The following SLC46A3 variants were observed in gnomAD, a reference collection of about 807,000 sequenced individuals.
SLC46A3 encodes the protein solute carrier family 46 member 3.
SLC46A3 carries 26 observed loss-of-function variants against 38.5 expected under a neutral mutation model. That is an observed-to-expected ratio of 0.68 (90% CI 0.49 to 0.94). The LOEUF (loss-of-function observed/expected upper bound fraction) is 0.94, where lower values mean the gene tolerates loss of function less well. Ranked by LOEUF, SLC46A3 falls within the 40% of genes least tolerant of loss-of-function variation. The pLI is 0.00. For synonymous variants in SLC46A3, 185 were observed against 192.5 expected (o/e 0.96, Z 0.32); for missense variants, 510 against 544.3 (o/e 0.94, Z 0.63).
intron 3 of SLC46A3, among the ~76,000 whole-genome samples, chr13:28,711,837 G>A (rs547951643): frequency 1.2e-4 from 19 of 152,340 alleles, no homozygotes; most frequent in African/African-American, 4.6e-4. Context: ...GAATAGTAGG[G>A]ATTGTGCCAA....
Position 28,712,716 on chromosome 13 carries a change from T to G in SLC46A3, c.1024A>C (p.Thr342Pro). Reference protein sequence around the residue: ...IFTTMTGMAMTAFASTTLMMF... With the variant: ...IFTTMTGMAMPAFASTTLMMF... Reference sequence around the variant, plus strand: ...ATCAGTGTTGTACTGGCAAACGCGGTCATAGCCATTCCTGTCATCGTGGTA... The same window carrying G: ...ATCAGTGTTGTACTGGCAAACGCGGGCATAGCCATTCCTGTCATCGTGGTA... Residue 342 changes from threonine (T) to proline (P), a missense_variant, in exon 3 of 6, where the codon ACC becomes CCC. By Grantham distance (38) the Thr-to-Pro change is conservative (BLOSUM62 -1). Coordinates refer to ENST00000266943, the MANE Select transcript of SLC46A3 (RefSeq NM_181785.4). 2 of 1,606,572 alleles carry G rather than the reference T, an allele frequency of 1.2e-6. No homozygotes were observed. Among genetic ancestry groups the G allele is most frequent in the Non-Finnish European group, 1.7e-6 (2 of 1,178,138 alleles).
chr13:28,715,977 A>AT (rs1885516164), intron 2 of SLC46A3, among the ~76,000 whole-genome samples: 1 of 42,128 alleles, frequency 2.4e-5, no homozygotes, highest in Non-Finnish European at 6.3e-5. Context: ...CCCTGTCTCT[A>AT]CAAAAAAAAA....
chr13:28,714,523 C>T lies in SLC46A3; in HGVS notation c.190-973G>A, dbSNP rs139731415. Among the ~76,000 whole-genome samples the T allele has an allele frequency of 8.5e-3, 1,287 of 150,730 alleles. 9 individuals are homozygous for T. Among genetic ancestry groups the T allele is most frequent in the African/African-American group, 0.027 (1,124 of 41,098 alleles). Reference sequence around the variant, plus strand: ...TAGCACTTTGGGGGGCCAAGGTGGGCGGATCACTTGAGGTCAGGAGTTTGA... The same window carrying T: ...TAGCACTTTGGGGGGCCAAGGTGGGTGGATCACTTGAGGTCAGGAGTTTGA... On this transcript the variant is annotated intron_variant, in intron 2 of 5. Transcript: ENST00000266943.
chr13:28,717,602 G>A (rs1452575792), intron 2 of SLC46A3, among the ~76,000 whole-genome samples: 2 of 150,988 alleles, frequency 1.3e-5, no homozygotes, highest in East Asian at 3.9e-4. Context: ...AGAGCAGGAG[G>A]GTGTTTTAAG....
intron 4 of SLC46A3, chr13:28,704,401 A>C (rs1334972240): frequency 3.9e-6 from 1 of 255,200 alleles, no homozygotes; most frequent in East Asian, 8.3e-5. Context: ...GACTCTTTTG[A>C]TAACTGCATG....
rs1885415173 is a variant in SLC46A3 at position 28,713,151 on chromosome 13, C to T, written c.589G>A (p.Glu197Lys). 1.2e-6 allele frequency: 2 copies of T among 1,613,988 alleles called. No homozygotes were observed. The highest frequency in any genetic ancestry group is 2.2e-5 in the South Asian group (2 of 91,036). ...ACAGCAATAATTAGAAACGACCACTCAAAACCTAGCTCTCTAATAAAATAG... is the reference window on the plus strand; with the variant it reads ...ACAGCAATAATTAGAAACGACCACTTAAAACCTAGCTCTCTAATAAAATAG... Reference protein sequence around the residue: ...SGYFIRELGFEWSFLIIAVSL... With the variant: ...SGYFIRELGFKWSFLIIAVSL... Residue 197 changes from glutamate to lysine, a missense_variant, in exon 3 of 6, where the codon GAG (glutamate) becomes AAG (lysine). Transcript: ENST00000266943.
Position 28,710,796 on chromosome 13 carries a change from AC to A in SLC46A3, c.1107del (p.Ser370ProfsTer22), listed in dbSNP as rs1182003927. On this transcript the variant is annotated frameshift_variant, in exon 4 of 6. Coordinates refer to ENST00000266943, the MANE Select transcript of SLC46A3 (RefSeq NM_181785.4). LOFTEE classifies it high-confidence loss of function. ...GAACGAACCACTTTTGACAACATGG[AC>A]CGTAGAACAGAGAATGGCACAATAG... ...LFTIVPFSVL[R>X]SMLSKVVRST... is the part of the protein sequence containing the mutation. 1 of 1,613,952 alleles carries A rather than the reference AC, an allele frequency of 6.2e-7. No homozygotes were observed. The highest frequency in any genetic ancestry group is 2.2e-5 in the East Asian group (1 of 44,894).
chr13:28,707,329 TCA>T (rs1566120335), intron 4 of SLC46A3, among the ~76,000 whole-genome samples: 3 of 143,412 alleles, frequency 2.1e-5, no homozygotes, highest in Non-Finnish European at 4.5e-5. Flanking sequence ...ATGTTCTCAC[TCA>T]CAGGTGGGAA....
chr13:28,701,078 G>C lies in SLC46A3; in HGVS notation c.*419C>G, dbSNP rs1193977111. The C allele has an allele frequency of 6.8e-7, 1 of 1,475,742 alleles. No individual in the cohort carries two copies. Among genetic ancestry groups the C allele is most frequent in the Middle Eastern group, 1.8e-4 (1 of 5,542 alleles). 91.4% of individuals were successfully genotyped at this position (1,475,742 alleles called of 1,614,324 possible). Reference sequence around the variant, plus strand: ...ATTATGCCTTCAAAATTATCCCTGAGAGAGGCCAGAAACCCATTCTGCTGA... The same window carrying C: ...ATTATGCCTTCAAAATTATCCCTGACAGAGGCCAGAAACCCATTCTGCTGA... On this transcript the variant is annotated 3_prime_UTR_variant, in exon 6 of 6. Transcript: ENST00000266943.
At chr13:28,712,645 A>G (rs888041650) in intron 3 of SLC46A3, 35 bp downstream of exon 3, 32 of 1,514,318 alleles carry the variant, frequency 2.1e-5, no homozygotes, top group Non-Finnish European at 2.5e-5. Flanking sequence ...AATATCAAAT[A>G]CATAGTTAGT....
rs1047807713 is a variant in SLC46A3 at position 28,718,834 on chromosome 13, C to G, written c.-363G>C. 1 of 152,346 alleles carries G rather than the reference C, an allele frequency of 6.6e-6. No individual in the cohort carries two copies. Among genetic ancestry groups the G allele is most frequent in the Non-Finnish European group, 1.5e-5 (1 of 68,142 alleles). 9.4% of individuals were successfully genotyped at this position (152,346 alleles called of 1,614,324 possible). A position where few individuals can be genotyped will look rare whatever the true frequency, so the allele number is the denominator to read the frequency against. ...GCGGCCCTGCGGACCTCGGCCTCAG[C>G]GCGGCGCGGCGGGGCGCGGAGCAGC... is the stretch of plus-strand genomic sequence containing the variant. On this transcript the variant is annotated 5_prime_UTR_variant, in exon 1 of 6. Coordinates refer to ENST00000266943, the MANE Select transcript of SLC46A3 (RefSeq NM_181785.4).
chr13:28,704,053 G>T lies in SLC46A3; in HGVS notation c.1191C>A (p.Val397=). The T allele has an allele frequency of 6.2e-7, 1 of 1,613,582 alleles. No homozygotes were observed. Among genetic ancestry groups the T allele is most frequent in the Non-Finnish European group, 8.5e-7 (1 of 1,179,784 alleles). The change falls in exon 5 of 6, where the codon GTC becomes GTA. Residue 397 remains valine (V), a synonymous_variant. Coordinates refer to ENST00000266943, the MANE Select transcript of SLC46A3 (RefSeq NM_181785.4). ...TTCCATTAAAAGTAGAAACTGCAGT[G>T]ACTCCTCCAAGTGTTTCTAAGAAAG... ...CIAFLETLGG[V]TAVSTFNGIY...
In SLC46A3 at chr13:28,712,980, CAGA is replaced by C; in HGVS notation, c.757_759del (p.Ser253del). On this transcript the variant is annotated inframe_deletion, in exon 3 of 6. Transcript: ENST00000266943. ...AAACAGAGCAAAAATCGTCTCTTACCAGAAGCATTCTTAAAAAGCATGTAAGTT... is the reference window on the plus strand; with the variant it reads ...AAACAGAGCAAAAATCGTCTCTTACCAGCATTCTTAAAAAGCATGTAAGTT... 8 of 1,613,192 alleles carry C rather than the reference CAGA, an allele frequency of 5.0e-6. No homozygotes were observed. The highest frequency in any genetic ancestry group is 6.8e-6 in the Non-Finnish European group (8 of 1,179,824).
intron 2 of SLC46A3, among the ~76,000 whole-genome samples, chr13:28,717,485 C>T (rs1300236): frequency 0.25 from 30,970 of 123,276 alleles, 4,995 homozygotes; most frequent in Middle Eastern, 0.36. Flanking sequence ...AATTTTCAGA[C>T]TTTTTTTTTT....
chr13:28,711,298 C>T (rs1885333784), intron 3 of SLC46A3, among the ~76,000 whole-genome samples: 1 of 152,096 alleles, frequency 6.6e-6, no homozygotes, highest in Admixed American at 6.5e-5. Context: ...GTGGCGCATG[C>T]CTGCAATCCC....
intron 5 of SLC46A3, 136 bp downstream of exon 5, chr13:28,703,807 C>T (rs940678932): frequency 3.0e-6 from 2 of 675,590 alleles, no homozygotes; most frequent in South Asian, 4.4e-5. Context: ...GAAGCGAGCA[C>T]TTCATGTCTA....
In SLC46A3 at chr13:28,703,896, C is replaced by G. The variant is rs551779826; in HGVS notation, c.1301+47G>C. On this transcript the variant is annotated intron_variant, in intron 5 of 5. Coordinates refer to ENST00000266943, the MANE Select transcript of SLC46A3 (RefSeq NM_181785.4). ...TTTACTGGTGAGGTTAGGGAATTCA[C>G]TTAATCCATATACCCTCTGATAAAA... The G allele has an allele frequency of 3.0e-5, 46 of 1,546,806 alleles. No homozygotes were observed. The Admixed American group carries it at 8.0e-4, about 27-fold the overall frequency.
chr13:28,708,614 C>CTTTCTTTTTTTTTTT (rs1885247346), intron 4 of SLC46A3, among the ~76,000 whole-genome samples: 1 of 128,260 alleles, frequency 7.8e-6, no homozygotes, highest in African/African-American at 2.9e-5. Flanking sequence ...TTTTTCTTTT[C>CTTTCTTTTTTTTTTT]TTTTTTTTTT....
chr13:28,714,433 G>C (rs182995387), intron 2 of SLC46A3, among the ~76,000 whole-genome samples: 1 of 152,098 alleles, frequency 6.6e-6, no homozygotes, highest in African/African-American at 2.4e-5. Context: ...AACATAGCGA[G>C]ACCCTGTCTC....
Sources: gnomAD v4.1 joint callset for allele counts (sites outside exome capture counted in the v4.1 genomes callset) on GRCh38, gnomAD v4.1.1 for gene constraint, MANE v1.5 for transcripts, NCBI Gene and HGNC (gene_info 2026-07-23, HGNC 2026-07-21) for gene names.